Variants in MCTP1 observed in about 807,000 individuals in gnomAD.
MCTP1 encodes the protein multiple C2 and transmembrane domain-containing protein 1.
In MCTP1, 69 loss-of-function variants were observed where a neutral mutation model predicts 120.6. The ratio of observed to expected loss-of-function variants is 0.57; its 90% CI spans 0.47 to 0.70. MCTP1 has a LOEUF of 0.70. Among genes scored for constraint, MCTP1 ranks in the 30% least tolerant of loss-of-function variants. The pLI is 0.00. For synonymous variants in MCTP1, 529 were observed against 493.1 expected, an observed-to-expected ratio of 1.07 and a Z score of -0.96; for missense variants, 1,203 against 1,248.8, an observed-to-expected ratio of 0.96 and a Z score of 0.55.
At chr5:94,760,018 C>G (rs1048671447) in intron 19 of MCTP1, among the ~76,000 whole-genome samples, 1 of 129,860 alleles carries the variant, frequency 7.7e-6, no homozygotes, top group African/African-American at 2.9e-5. Flanking sequence ...GTTACATTCT[C>G]TAGCTCAATT....
intron 1 of MCTP1, among the ~76,000 whole-genome samples, chr5:95,151,032 G>A (rs1351266197): frequency 1.3e-5 from 2 of 150,920 alleles, no homozygotes; most frequent in East Asian, 2.0e-4. Flanking sequence ...GCAGTGGCAC[G>A]ATGGCTCACT....
intron 19 of MCTP1, among the ~76,000 whole-genome samples, chr5:94,726,686 G>T (rs74363771): frequency 2.0e-5 from 3 of 152,020 alleles, no homozygotes; most frequent in African/African-American, 7.3e-5. Context: ...GAGGTGGCAG[G>T]GTCATATGGT....
intron 10 of MCTP1, among the ~76,000 whole-genome samples, chr5:94,900,709 A>G (rs1282661703): frequency 6.6e-6 from 1 of 152,232 alleles, no homozygotes; most frequent in East Asian, 1.9e-4. Flanking sequence ...ATCAGAGTCC[A>G]TGGCTGGGGG....
intron 11 of MCTP1, among the ~76,000 whole-genome samples, chr5:94,893,169 G>T (rs1803075320): frequency 6.6e-6 from 1 of 152,086 alleles, no homozygotes; most frequent in Non-Finnish European, 1.5e-5. Flanking sequence ...GAATGGAAAT[G>T]GCCAATTGCC....
At chr5:94,921,400 A>G (rs1240740337) in intron 7 of MCTP1, among the ~76,000 whole-genome samples, 1 of 152,220 alleles carries the variant, frequency 6.6e-6, no homozygotes, top group Non-Finnish European at 1.5e-5. Context: ...ACTAGGATGT[A>G]GTTTCATTCA....
At chr5:94,819,135 T>A (rs255328) in intron 17 of MCTP1, among the ~76,000 whole-genome samples, 31,190 of 80,990 alleles carry the variant, frequency 0.39, 4,311 homozygotes, top group East Asian at 0.65. Flanking sequence ...TCATTCATTC[T>A]TTCATTCATT....
chr5:94,735,587 T>C (rs1461703757), intron 19 of MCTP1, among the ~76,000 whole-genome samples: 1 of 152,162 alleles, frequency 6.6e-6, no homozygotes, highest in Non-Finnish European at 1.5e-5. Flanking sequence ...TACATTATGT[T>C]TCAGATTAAG....
At chr5:94,874,965 G>A (rs1372790962) in intron 12 of MCTP1, among the ~76,000 whole-genome samples, 2 of 152,016 alleles carry the variant, frequency 1.3e-5, no homozygotes, top group African/African-American at 2.4e-5. Flanking sequence ...TTTGACTGTC[G>A]GTTCAATCAA....
At chr5:95,208,497 C>T (rs1751936362) in intron 1 of MCTP1, among the ~76,000 whole-genome samples, 1 of 152,046 alleles carries the variant, frequency 6.6e-6, no homozygotes, top group South Asian at 2.1e-4. Flanking sequence ...AATATTTTCC[C>T]ATGTTTTAGC....
At chr5:94,733,894 G>A (rs1763627011) in intron 19 of MCTP1, among the ~76,000 whole-genome samples, 1 of 151,358 alleles carries the variant, frequency 6.6e-6, no homozygotes, top group African/African-American at 2.4e-5. Context: ...AACCCGGGAG[G>A]CAGAGGTTGC....
At chr5:95,131,940 C>A (rs368067947) in intron 1 of MCTP1, among the ~76,000 whole-genome samples, 8 of 152,216 alleles carry the variant, frequency 5.3e-5, no homozygotes, top group South Asian at 2.1e-4. Flanking sequence ...TGCTATTACT[C>A]AAAAATATTT....
intron 1 of MCTP1, among the ~76,000 whole-genome samples, chr5:95,278,335 T>C (rs1289411346): frequency 6.6e-6 from 1 of 152,204 alleles, no homozygotes; most frequent in African/African-American, 2.4e-5. Flanking sequence ...TAAAGGCTAT[T>C]TGTTAAGTGA....
intron 17 of MCTP1, among the ~76,000 whole-genome samples, chr5:94,841,443 A>G (rs1452437091): frequency 6.6e-6 from 1 of 152,152 alleles, no homozygotes; most frequent in East Asian, 1.9e-4. Context: ...ATAGTGGCAC[A>G]ACTCCCACCC....
chr5:94,807,878 T>G (rs1375063239), intron 17 of MCTP1, among the ~76,000 whole-genome samples: 7 of 152,108 alleles, frequency 4.6e-5, no homozygotes, highest in African/African-American at 1.7e-4. Context: ...TATAATTAAC[T>G]TACAAAAGAA....
intron 3 of MCTP1, among the ~76,000 whole-genome samples, chr5:94,950,992 G>A (rs1436471035): frequency 1.3e-5 from 2 of 151,102 alleles, no homozygotes; most frequent in Non-Finnish European, 3.0e-5. Context: ...TGGGGTACAA[G>A]TACAGTTGTG....
chr5:95,135,235 C>T (rs1349910484), intron 1 of MCTP1, among the ~76,000 whole-genome samples: 1 of 152,038 alleles, frequency 6.6e-6, no homozygotes, highest in Non-Finnish European at 1.5e-5. Flanking sequence ...AATACATATT[C>T]TCAACTTTTC....
At chr5:95,229,520 C>T (rs763494191) in intron 1 of MCTP1, among the ~76,000 whole-genome samples, 18 of 151,900 alleles carry the variant, frequency 1.2e-4, no homozygotes, top group South Asian at 4.2e-4. Flanking sequence ...TTTGGGAGGC[C>T]GGCAGATCAC....
intron 1 of MCTP1, among the ~76,000 whole-genome samples, chr5:95,026,162 T>C (rs1014751206): frequency 7.9e-5 from 12 of 152,138 alleles, no homozygotes; most frequent in African/African-American, 2.7e-4. Context: ...TAATTTTTAA[T>C]TTTTGTGGGT....
intron 1 of MCTP1, among the ~76,000 whole-genome samples, chr5:95,182,780 C>G (rs1389895179): frequency 6.6e-6 from 1 of 151,742 alleles, no homozygotes; most frequent in East Asian, 1.9e-4. Context: ...TATTATAAAG[C>G]TGGGAGGCCG....
Sources: gnomAD v4.1 joint callset for allele counts (sites outside exome capture counted in the v4.1 genomes callset) on GRCh38, gnomAD v4.1.1 for gene constraint, MANE v1.5 for transcripts, NCBI Gene and HGNC (gene_info 2026-07-23, HGNC 2026-07-21) for gene names.